DNAH7: variants seen among roughly 807,000 people sequenced by gnomAD.
The protein encoded by DNAH7 is axonemal beta dynein heavy chain 7.
DNAH7 carries 397 observed loss-of-function variants against 444.6 expected under a neutral mutation model. The observed-to-expected ratio is 0.89, with a 90% CI of 0.82 to 0.97. DNAH7 has a LOEUF of 0.97. Ranked by LOEUF, DNAH7 falls within the 50% of genes least tolerant of loss-of-function variation. The probability of loss-of-function intolerance (pLI) is 0.00; values close to 1 mark genes in which losing one functional copy is unlikely to be tolerated. For missense variants in DNAH7, 4,902 were observed against 4,800.8 expected, an observed-to-expected ratio of 1.02 and a Z score of -0.62; for synonymous variants, 1,636 against 1,624.4, an observed-to-expected ratio of 1.01 and a Z score of -0.17.
intron 47 of DNAH7, among the ~76,000 whole-genome samples, chr2:195,835,352 C>A (rs1574522706): frequency 4.7e-5 from 5 of 106,048 alleles, no homozygotes; most frequent in Admixed American, 1.2e-4. Context: ...ATTAGAAGAG[C>A]AGGAGGAGAA....
chr2:195,766,167 A>ATTTTTTTTTTTTTT lies in DNAH7; in HGVS notation c.11433+5479_11433+5492dup, dbSNP rs755912873. Among the ~76,000 whole-genome samples, 53 of 57,332 alleles carry ATTTTTTTTTTTTTT rather than the reference A, an allele frequency of 9.2e-4. 5 individuals are homozygous for ATTTTTTTTTTTTTT. The East Asian group carries it at 0.011, about 12-fold the overall frequency. The allele number at this position is 57,332 out of a possible 152,430, so 37.6% of individuals were successfully genotyped here. ...GTTCTCGTTTAATTTGTGGGAGCTA[A>ATTTTTTTTTTTTTT]TTTTTTTTTTTTTTTTTTTTTTTTG... On this transcript the variant is annotated intron_variant, in intron 61 of 64. Coordinates refer to ENST00000312428, the MANE Select transcript of DNAH7 (RefSeq NM_018897.3).
chr2:196,035,963 A>G (rs1339829491), intron 5 of DNAH7, among the ~76,000 whole-genome samples: 2 of 151,698 alleles, frequency 1.3e-5, no homozygotes, highest in Non-Finnish European at 2.9e-5. Flanking sequence ...CCATTTTGAG[A>G]GCAGAGCCAA....
Position 196,060,931 on chromosome 2 carries a change from T to C in DNAH7, c.16-2815A>G, listed in dbSNP as rs529833974. 3.4e-4 allele frequency among the ~76,000 whole-genome samples: 52 copies of C among 152,320 alleles called. No homozygotes were observed. The South Asian group carries it at 0.01, about 30-fold the overall frequency. ...ACTCTGTGAACACTTAAACTTTTCA[T>C]TGCCAATTCATTCTCATTTTTTAAA... On this transcript the variant is annotated intron_variant, in intron 1 of 64. Coordinates refer to ENST00000312428, the MANE Select transcript of DNAH7 (RefSeq NM_018897.3).
rs528259591 is a variant in DNAH7, at chr2:195,844,816, A to G, written c.8945+186T>C. ...GTCATCTGGTTCATTTGTTTACTAC[A>G]GTGTCTAATACTCAACTATTATAAT... On this transcript the variant is annotated intron_variant, in intron 47 of 64. Coordinates refer to ENST00000312428, the MANE Select transcript of DNAH7 (RefSeq NM_018897.3). 8.5e-5 allele frequency among the ~76,000 whole-genome samples: 13 copies of G among 152,288 alleles called. No individual in the cohort carries two copies. In the South Asian group the frequency reaches 2.7e-3, roughly 32 times the overall value.
intron 32 of DNAH7, 105 bp from the exon 33 acceptor site, chr2:195,888,539 G>A (rs981389149): frequency 7.6e-6 from 9 of 1,185,232 alleles, no homozygotes; most frequent in Non-Finnish European, 1.0e-5. Context: ...TTGGGCGGGG[G>A]GAAGCTTAAT....
intron 62 of DNAH7, among the ~76,000 whole-genome samples, chr2:195,755,337 G>A (rs1694019819): frequency 6.6e-6 from 1 of 152,188 alleles, no homozygotes; most frequent in Non-Finnish European, 1.5e-5. Flanking sequence ...AAGGCCTTTA[G>A]AAATATCAAG....
intron 56 of DNAH7, among the ~76,000 whole-genome samples, chr2:195,795,281 C>T (rs977641686): frequency 2.0e-5 from 3 of 152,136 alleles, no homozygotes; most frequent in African/African-American, 7.2e-5. Context: ...ACTCGGGAGG[C>T]GGAGGCACCA....
intron 2 of DNAH7, among the ~76,000 whole-genome samples, chr2:196,053,189 T>C (rs937418035): frequency 1.3e-5 from 2 of 152,166 alleles, no homozygotes; most frequent in Non-Finnish European, 2.9e-5. Flanking sequence ...AGAGGTTATG[T>C]TTGAATAGGA....
chr2:195,901,179 T>C (rs1336409776), intron 27 of DNAH7: 2 of 152,002 alleles, frequency 1.3e-5, no homozygotes, highest in East Asian at 1.9e-4. Context: ...AAAAAGTATA[T>C]ATGTGAGGTG....
At chr2:195,987,853 G>T in intron 13 of DNAH7, 104 bp downstream of exon 13, 2 of 1,119,210 alleles carry the variant, frequency 1.8e-6, no homozygotes, top group Non-Finnish European at 2.5e-6. Context: ...TTTTCCTGTT[G>T]ATGATAATGT....
intron 55 of DNAH7, among the ~76,000 whole-genome samples, chr2:195,797,678 G>A (rs772107645): frequency 3.3e-5 from 5 of 152,132 alleles, no homozygotes; most frequent in Admixed American, 2.6e-4. Flanking sequence ...AATAGCCAAC[G>A]CCCTTACTAG....
intron 48 of DNAH7, among the ~76,000 whole-genome samples, 178 bp downstream of exon 48, chr2:195,834,028 G>A (rs1281316938): frequency 6.6e-6 from 1 of 152,140 alleles, no homozygotes; most frequent in Non-Finnish European, 1.5e-5. Flanking sequence ...GCAACATGGC[G>A]AAACCTCATC....
chr2:196,033,052 G>C (rs554074189), intron 5 of DNAH7, among the ~76,000 whole-genome samples: 25 of 152,090 alleles, frequency 1.6e-4, no homozygotes, highest in African/African-American at 5.8e-4. Context: ...CAAAAATCCA[G>C]GATTCATTCA....
intron 64 of DNAH7, among the ~76,000 whole-genome samples, chr2:195,740,318 A>G (rs188251992): frequency 2.6e-5 from 4 of 152,272 alleles, no homozygotes; most frequent in African/African-American, 9.6e-5. Context: ...TGCGCCTCAT[A>G]GAGAAAATAT....
chr2:195,931,898 C>T (rs1274320697), intron 21 of DNAH7, among the ~76,000 whole-genome samples: 112 of 152,212 alleles, frequency 7.4e-4, no homozygotes, highest in Non-Finnish European at 1.4e-3. Context: ...ATTGACTTGG[C>T]AATGTGGGCT....
intron 14 of DNAH7, among the ~76,000 whole-genome samples, 189 bp from the exon 15 acceptor site, chr2:195,984,899 C>T (rs1300826611): frequency 6.6e-6 from 1 of 152,124 alleles, no homozygotes; most frequent in Non-Finnish European, 1.5e-5. Context: ...TGATCTAGTA[C>T]ATTTTTAACT....
At chr2:195,802,507 A>T (rs371249514) in intron 54 of DNAH7, among the ~76,000 whole-genome samples, 93 of 152,050 alleles carry the variant, frequency 6.1e-4, no homozygotes, top group African/African-American at 1.9e-3. Context: ...TCTCAAAAAA[A>T]TTTTTTTTAA....
chr2:195,864,976 TTC>T lies in DNAH7; in HGVS notation c.6677_6678del (p.Arg2226LysfsTer17). On this transcript the variant is annotated frameshift_variant, in exon 41 of 65. Coordinates refer to ENST00000312428, the MANE Select transcript of DNAH7 (RefSeq NM_018897.3). LOFTEE classifies it high-confidence loss of function. The stretch of plus-strand genomic sequence containing the variant: ...TCTTGAATGTAGTTGATGAGCCAGC[TTC>T]TGTCTGTATTGTCCAGAAGGCGGTC... ...YYDRLLDNTD[R>X]SWLINYIQEI... The T allele has an allele frequency of 2.5e-6, 4 of 1,605,692 alleles. No individual in the cohort carries two copies. The highest frequency in any genetic ancestry group is 3.4e-6 in the Non-Finnish European group (4 of 1,179,932).
At chr2:195,772,514 A>G (rs1694886289) in intron 60 of DNAH7, among the ~76,000 whole-genome samples, 1 of 152,164 alleles carries the variant, frequency 6.6e-6, no homozygotes, top group East Asian at 1.9e-4. Flanking sequence ...GCATTGTGTA[A>G]ATGAATCTAT....
Sources: gnomAD v4.1 joint callset for allele counts (sites outside exome capture counted in the v4.1 genomes callset) on GRCh38, gnomAD v4.1.1 for gene constraint, MANE v1.5 for transcripts, NCBI Gene and HGNC (gene_info 2026-07-23, HGNC 2026-07-21) for gene names.